SYCP1: variants seen among roughly 807,000 people sequenced by gnomAD.
The protein encoded by SYCP1 is synaptonemal complex protein 1.
Under a neutral mutation model 153.1 loss-of-function variants are expected in SYCP1, and 64 were observed. The ratio of observed to expected loss-of-function variants is 0.42; its 90% confidence interval spans 0.34 to 0.51. The LOEUF (loss-of-function observed/expected upper bound fraction) is 0.51, where lower values mean the gene tolerates loss of function less well. Ranked by LOEUF, SYCP1 falls within the 20% of genes least tolerant of loss-of-function variation. SYCP1 has a pLI of 0.06. For missense variants in SYCP1, 997 were observed against 1,049.0 expected (o/e 0.95, Z 0.68); for synonymous variants, 384 against 341.8 (o/e 1.12, Z -1.36).
chr1:114,876,340 C>T (rs1181631477), intron 10 of SYCP1, among the ~76,000 whole-genome samples: 1 of 151,790 alleles, frequency 6.6e-6, no homozygotes, highest in Non-Finnish European at 1.5e-5. Flanking sequence ...TTTAAAACTA[C>T]ATCTTTCATG....
intron 16 of SYCP1, among the ~76,000 whole-genome samples, chr1:114,903,524 T>C (rs1031834426): frequency 2.0e-5 from 3 of 152,142 alleles, no homozygotes; most frequent in African/African-American, 7.2e-5. Context: ...GGTGAGTACA[T>C]GATGAAGTGA....
intron 27 of SYCP1, among the ~76,000 whole-genome samples, chr1:114,960,920 G>A (rs997855075): frequency 6.6e-6 from 1 of 152,136 alleles, no homozygotes; most frequent in Admixed American, 6.5e-5. Flanking sequence ...AATAGTTTCA[G>A]TAGGATTGGT....
intron 23 of SYCP1, among the ~76,000 whole-genome samples, chr1:114,930,726 C>T (rs1226613847): frequency 6.6e-6 from 1 of 151,660 alleles, no homozygotes; most frequent in Non-Finnish European, 1.5e-5. Context: ...AGAGTGAAAA[C>T]AATTCTCAAG....
chr1:114,945,002 A>G lies in SYCP1; in HGVS notation c.2154+20A>G, dbSNP rs1399733241. On this transcript the variant is annotated intron_variant, in intron 25 of 31. Coordinates refer to ENST00000369522, the MANE Select transcript of SYCP1 (RefSeq NM_003176.4). ...CATAAGGTAATTTTTTTCTTCTTAT[A>G]TAATGAAAATTATTAATTGGAGCCA... 7.4e-6 allele frequency: 11 copies of G among 1,480,382 alleles called. No homozygotes were observed. The highest frequency in any genetic ancestry group is 1.3e-5 in the South Asian group (1 of 78,298). The allele number at this position is 1,480,382 out of a possible 1,614,324, so 91.7% of individuals were successfully genotyped here.
intron 30 of SYCP1, among the ~76,000 whole-genome samples, chr1:114,986,152 G>A (rs935598353): frequency 5.3e-5 from 8 of 151,942 alleles, no homozygotes; most frequent in Admixed American, 3.3e-4. Context: ...GATACTAAGA[G>A]ATCACAGTAT....
chr1:114,893,208 T>G (rs1025748815), intron 15 of SYCP1, among the ~76,000 whole-genome samples: 1 of 152,204 alleles, frequency 6.6e-6, no homozygotes, highest in Non-Finnish European at 1.5e-5. Context: ...ACTTTCGTCT[T>G]ACATTTTCTA....
intron 13 of SYCP1, among the ~76,000 whole-genome samples, chr1:114,885,880 T>A (rs1051005858): frequency 3.3e-5 from 5 of 152,062 alleles, no homozygotes; most frequent in Admixed American, 6.6e-5. Flanking sequence ...GTTCTAAGAA[T>A]TGAAAGAACA....
chr1:114,857,338 C>A, intron 4 of SYCP1, 63 bp downstream of exon 4: 3 of 1,552,754 alleles, frequency 1.9e-6, no homozygotes, highest in South Asian at 1.2e-5. Flanking sequence ...TATTTGAAGA[C>A]GAAAAAAGTC....
chr1:114,922,527 A>C (rs1668963207), intron 20 of SYCP1, among the ~76,000 whole-genome samples: 1 of 152,080 alleles, frequency 6.6e-6, no homozygotes, highest in Non-Finnish European at 1.5e-5. Context: ...TGGGGAGGAC[A>C]CACTTTTAAA....
At chr1:114,908,971 A>T (rs79076892) in intron 16 of SYCP1, among the ~76,000 whole-genome samples, 2,006 of 152,268 alleles carry the variant, frequency 0.013, 55 homozygotes, top group African/African-American at 0.046. Flanking sequence ...AATAATGTAA[A>T]TGTTTTTGTT....
At chr1:114,950,743 T>A (rs1570842756) in intron 27 of SYCP1, among the ~76,000 whole-genome samples, 1 of 152,110 alleles carries the variant, frequency 6.6e-6, no homozygotes, top group Non-Finnish European at 1.5e-5. Flanking sequence ...GGTATAATTA[T>A]AATCTATAGA....
intron 23 of SYCP1, among the ~76,000 whole-genome samples, chr1:114,935,956 C>G (rs148759879): frequency 7.9e-5 from 12 of 152,090 alleles, no homozygotes; most frequent in Admixed American, 5.2e-4. Context: ...GAGTCACAGC[C>G]GAATTCTACC....
At chr1:114,972,410 A>G (rs1333840599) in intron 27 of SYCP1, among the ~76,000 whole-genome samples, 2 of 151,472 alleles carry the variant, frequency 1.3e-5, no homozygotes, top group Admixed American at 1.3e-4. Flanking sequence ...CTTCAATTTC[A>G]TTTATTTCTG....
At chr1:114,881,501 A>ATCCT (rs71093615) in intron 12 of SYCP1, among the ~76,000 whole-genome samples, 24,715 of 102,644 alleles carry the variant, frequency 0.24, 2,640 homozygotes, top group South Asian at 0.32. Context: ...GGAAGGTATT[A>ATCCT]TCCTTCCTTC....
chr1:114,951,862 C>T (rs765908956), intron 27 of SYCP1, among the ~76,000 whole-genome samples: 6 of 151,034 alleles, frequency 4.0e-5, no homozygotes, highest in Admixed American at 6.7e-5. Context: ...TTTGCCATTT[C>T]GAGAATGTTA....
intron 16 of SYCP1, among the ~76,000 whole-genome samples, chr1:114,902,334 A>C (rs1222917161): frequency 2.0e-5 from 3 of 152,150 alleles, no homozygotes; most frequent in Non-Finnish European, 4.4e-5. Context: ...CTCAAGCCTT[A>C]TGTTTCTCAA....
Position 114,926,284 on chromosome 1 carries a change from A to T in SYCP1, c.1807A>T (p.Asn603Tyr), listed in dbSNP as rs765511373. The change falls in exon 22 of 32, where the codon AAT becomes TAT. Residue 603 changes from asparagine (N) to tyrosine (Y), a missense_variant. Physicochemically the swap from Asn to Tyr is moderately radical, Grantham distance 143 (BLOSUM62 -2). This residue lies in a region of SYCP1 where 712 missense variants were observed against 682.9 expected (regional missense o/e 1.04). Coordinates refer to ENST00000369522, the MANE Select transcript of SYCP1 (RefSeq NM_003176.4). ...ATTTCTCACAATTTTTTAGTGTAAC[A>T]ATTTAAGGAAACAAGTTGAAAATAA... Reference protein sequence around the residue: ...KLDKSEENCNNLRKQVENKNK... With the variant: ...KLDKSEENCNYLRKQVENKNK... 1 of 1,524,460 alleles carries T rather than the reference A, an allele frequency of 6.6e-7. No homozygotes were observed. The highest frequency in any genetic ancestry group is 1.3e-5 in the South Asian group (1 of 77,248). 94.4% of individuals were successfully genotyped at this position (1,524,460 alleles called of 1,614,324 possible).
At chr1:114,854,464 T>C (rs959102424), upstream of SYCP1, among the ~76,000 whole-genome samples, 7 of 152,228 alleles carry the variant, frequency 4.6e-5, no homozygotes, top group Non-Finnish European at 8.8e-5. Flanking sequence ...CTCATTCTTA[T>C]GTGAAACAGT....
At chr1:114,932,828 C>A (rs1570798763) in intron 23 of SYCP1, among the ~76,000 whole-genome samples, 1 of 152,354 alleles carries the variant, frequency 6.6e-6, no homozygotes, top group East Asian at 1.9e-4. Context: ...TGAGATCGAA[C>A]TGCAAGGAGG....
Sources: allele counts gnomAD v4.1 joint callset (sites outside exome capture counted in the v4.1 genomes callset), GRCh38; gene constraint gnomAD v4.1.1; regional missense constraint gnomAD v4.1.1; transcripts MANE v1.5; gene names NCBI Gene and HGNC (gene_info 2026-07-23, HGNC 2026-07-21).